MSRA: variants seen among roughly 807,000 people sequenced by gnomAD.
MSRA encodes the protein methionine sulfoxide reductase A, also known as mitochondrial peptide methionine sulfoxide reductase.
Under a neutral mutation model 31.3 loss-of-function variants are expected in MSRA, and 54 were observed. The ratio of observed to expected loss-of-function variants is 1.73; its 90% CI spans 1.39 to 2.17. The LOEUF (loss-of-function observed/expected upper bound fraction) is 2.17, where lower values mean the gene tolerates loss of function less well. Ranked by LOEUF, MSRA falls within the 30% of genes most tolerant of loss-of-function variation. MSRA has a pLI of 0.00. For synonymous variants in MSRA, 169 were observed against 116.5 expected (o/e 1.45, Z -2.90); for missense variants, 507 against 300.9 (o/e 1.69, Z -5.07).
At chr8:10,403,105 GT>G (rs1220342329) in intron 5 of MSRA, among the ~76,000 whole-genome samples, 1 of 152,170 alleles carries the variant, frequency 6.6e-6, no homozygotes, top group East Asian at 1.9e-4. Flanking sequence ...TGAGATTCTT[GT>G]TTACCAGTCC....
At chr8:10,079,079 G>T (rs149013394) in intron 1 of MSRA, among the ~76,000 whole-genome samples, 1 of 152,110 alleles carries the variant, frequency 6.6e-6, no homozygotes, top group Non-Finnish European at 1.5e-5. Context: ...TCCCCATCCC[G>T]CAGAGTTTAG....
intron 1 of MSRA, among the ~76,000 whole-genome samples, chr8:10,133,283 A>G (rs536633218): frequency 6.6e-6 from 1 of 152,302 alleles, no homozygotes; most frequent in Non-Finnish European, 1.5e-5. Context: ...GGCTCACTGA[A>G]TCCTCACGAC....
intron 3 of MSRA, among the ~76,000 whole-genome samples, chr8:10,275,288 G>A (rs1799264397): frequency 6.6e-6 from 1 of 152,190 alleles, no homozygotes; most frequent in African/African-American, 2.4e-5. Flanking sequence ...TGAAGTTTCA[G>A]AAATCTTAAG....
chr8:10,236,529 A>T (rs1379090881), intron 2 of MSRA, among the ~76,000 whole-genome samples: 1 of 152,194 alleles, frequency 6.6e-6, no homozygotes, highest in Non-Finnish European at 1.5e-5. Flanking sequence ...ATAGAACTAT[A>T]TGTAATACAA....
At chr8:10,225,711 G>C (rs1021452476) in intron 2 of MSRA, among the ~76,000 whole-genome samples, 28 of 152,242 alleles carry the variant, frequency 1.8e-4, no homozygotes, top group South Asian at 1.5e-3. Flanking sequence ...TTTTGATGTA[G>C]ATGTCTGACG....
chr8:10,236,292 G>C (rs139188366), intron 2 of MSRA, among the ~76,000 whole-genome samples: 122 of 152,276 alleles, frequency 8.0e-4, no homozygotes, highest in African/African-American at 2.8e-3. Context: ...AGGAGAATAA[G>C]AATGGGAGAG....
intron 3 of MSRA, among the ~76,000 whole-genome samples, chr8:10,286,032 C>G (rs892884194): frequency 1.4e-4 from 22 of 152,036 alleles, no homozygotes; most frequent in African/African-American, 5.3e-4. Flanking sequence ...GCAGGCATGT[C>G]AGAGGGAGCT....
chr8:10,251,208 CTTTTT>C (rs35628965), intron 3 of MSRA, among the ~76,000 whole-genome samples: 5,290 of 148,464 alleles, frequency 0.036, 284 homozygotes, highest in African/African-American at 0.12. Flanking sequence ...ACTCAGTATA[CTTTTT>C]TTTTTTTAAG....
chr8:10,078,722 G>A (rs914790627), intron 1 of MSRA, among the ~76,000 whole-genome samples: 1 of 152,220 alleles, frequency 6.6e-6, no homozygotes, highest in East Asian at 1.9e-4. Flanking sequence ...CCATTTTTCT[G>A]CCCTTCCCAT....
At chr8:10,089,422 A>C (rs1798749274) in intron 1 of MSRA, among the ~76,000 whole-genome samples, 1 of 152,236 alleles carries the variant, frequency 6.6e-6, no homozygotes, top group South Asian at 2.1e-4. Context: ...TCAGGTAAAC[A>C]GTAAAAACTG....
intron 5 of MSRA, among the ~76,000 whole-genome samples, chr8:10,411,952 A>C (rs889643294): frequency 6.6e-6 from 1 of 152,208 alleles, no homozygotes; most frequent in African/African-American, 2.4e-5. Context: ...TGTGTCGTCC[A>C]CAGAGTGGTT....
chr8:10,066,937 C>T (rs1290928528), intron 1 of MSRA, among the ~76,000 whole-genome samples: 6 of 150,994 alleles, frequency 4.0e-5, no homozygotes, highest in African/African-American at 1.2e-4. Context: ...GTACAGAGTT[C>T]CCATACACAC....
At chr8:10,187,101 A>G (rs988534092) in intron 1 of MSRA, among the ~76,000 whole-genome samples, 2 of 152,180 alleles carry the variant, frequency 1.3e-5, no homozygotes, top group Admixed American at 1.3e-4. Context: ...AGACATGGGT[A>G]CCTGGCAGCA....
At chr8:10,195,753 T>C (rs1563205357) in intron 1 of MSRA, among the ~76,000 whole-genome samples, 1 of 152,248 alleles carries the variant, frequency 6.6e-6, no homozygotes, top group Non-Finnish European at 1.5e-5. Context: ...TCATCTCTCA[T>C]GTAAAAAGAG....
At chr8:10,182,097 T>G (rs1045706234) in intron 1 of MSRA, among the ~76,000 whole-genome samples, 13 of 152,248 alleles carry the variant, frequency 8.5e-5, no homozygotes, top group African/African-American at 3.1e-4. Context: ...CCTCCTAACT[T>G]TTTGAGGCTG....
At chr8:10,328,172 A>C (rs968991617) in intron 5 of MSRA, among the ~76,000 whole-genome samples, 1 of 151,066 alleles carries the variant, frequency 6.6e-6, no homozygotes, top group Non-Finnish European at 1.5e-5. Flanking sequence ...TGTCAACGTA[A>C]TGCTTTCTAA....
chr8:10,323,187 G>GACA (rs1464330240), intron 5 of MSRA, among the ~76,000 whole-genome samples: 1 of 151,740 alleles, frequency 6.6e-6, no homozygotes, highest in Non-Finnish European at 1.5e-5. Flanking sequence ...AACCAGGCAG[G>GACA]ACACTACACT....
At chr8:10,410,956 TCTC>T (rs1944034080) in intron 5 of MSRA, 1 of 152,204 alleles carries the variant, frequency 6.6e-6, no homozygotes, top group South Asian at 2.1e-4. Context: ...TATTTTGAAT[TCTC>T]CTCCCCCACA....
At chr8:10,141,300 C>T (rs571641136) in intron 1 of MSRA, among the ~76,000 whole-genome samples, 3 of 152,296 alleles carry the variant, frequency 2.0e-5, no homozygotes, top group South Asian at 4.1e-4. Context: ...CTGCCATTTC[C>T]CCACTTCAGA....
Sources: allele counts gnomAD v4.1 joint callset (sites outside exome capture counted in the v4.1 genomes callset), GRCh38; gene constraint gnomAD v4.1.1; transcripts MANE v1.5; gene names NCBI Gene and HGNC (gene_info 2026-07-23, HGNC 2026-07-21).